CDKL5: variants seen among roughly 807,000 people sequenced by gnomAD.
CDKL5 encodes the protein cyclin-dependent kinase-like 5.
CDKL5 carries 8 observed loss-of-function variants against 61.7 expected under a neutral mutation model. The observed-to-expected ratio is 0.13, with a 90% confidence interval of 0.08 to 0.23. The LOEUF is 0.23. Among genes scored for constraint, CDKL5 ranks in the 10% least tolerant of loss-of-function variants. CDKL5 has a pLI of 1.00. For synonymous variants in CDKL5, 275 were observed against 272.3 expected, an observed-to-expected ratio of 1.01 and a Z score of -0.10; for missense variants, 440 against 734.5, an observed-to-expected ratio of 0.60 and a Z score of 4.63.
At chrX:18,438,206 C>T (rs1017372470) in intron 1 of CDKL5, among the ~76,000 whole-genome samples, 1 of 110,710 alleles carries the variant, frequency 9.0e-6, no homozygotes, top group African/African-American at 3.3e-5. Context: ...GCTGGGATTA[C>T]AGGCATGTGC....
At chrX:18,481,501 G>A (rs1336889498) in intron 1 of CDKL5, among the ~76,000 whole-genome samples, 1 of 105,383 alleles carries the variant, frequency 9.5e-6, no homozygotes, top group Admixed American at 1.0e-4. Flanking sequence ...TACAGGTGCG[G>A]GCCACCACAC....
At chrX:18,562,602 G>T (rs1010012348) in intron 3 of CDKL5, among the ~76,000 whole-genome samples, 2 of 111,801 alleles carry the variant, frequency 1.8e-5, no homozygotes, top group African/African-American at 6.5e-5. Flanking sequence ...TCTGTAATGA[G>T]TTTATATTAT....
At chrX:18,561,171 T>C (rs1325916197) in intron 3 of CDKL5, among the ~76,000 whole-genome samples, 1 of 111,749 alleles carries the variant, frequency 8.9e-6, no homozygotes, top group East Asian at 2.8e-4. Context: ...AATGGCATTT[T>C]CCAGGGCTTT....
At chrX:18,640,707 C>G (rs1233997041), downstream of CDKL5, 1 of 112,215 alleles carries the variant, frequency 8.9e-6, no homozygotes, top group Non-Finnish European at 1.9e-5. Context: ...AAAAGTAACT[C>G]GGAAATGAGC....
At chrX:18,526,778 C>G (rs1355535069) in intron 3 of CDKL5, among the ~76,000 whole-genome samples, 2 of 109,918 alleles carry the variant, frequency 1.8e-5, no homozygotes, top group Non-Finnish European at 3.8e-5. Flanking sequence ...GCTGAAGCAG[C>G]CTTTCTTTCT....
chrX:18,569,866 T>A (rs935058991), intron 4 of CDKL5, among the ~76,000 whole-genome samples: 4 of 111,026 alleles, frequency 3.6e-5, no homozygotes, highest in Non-Finnish European at 7.5e-5. Context: ...TATACACTAG[T>A]CTACATTTAA....
At chrX:18,648,276 C>A (rs1260915609) in intron 20 of CDKL5, among the ~76,000 whole-genome samples, 1 of 110,237 alleles carries the variant, frequency 9.1e-6, no homozygotes, top group East Asian at 2.9e-4. Flanking sequence ...CAGGGTCTCG[C>A]CCTGTCCTAG....
intron 1 of CDKL5, among the ~76,000 whole-genome samples, chrX:18,429,346 C>CT (rs1458038712): frequency 3.6e-5 from 4 of 111,333 alleles, no homozygotes; most frequent in Non-Finnish European, 7.5e-5. Context: ...CTCTTTTGGG[C>CT]AGTCTTCTCT....
intron 15 of CDKL5, among the ~76,000 whole-genome samples, chrX:18,614,539 A>G (rs1926659494): frequency 8.9e-6 from 1 of 112,040 alleles, no homozygotes; most frequent in African/African-American, 3.2e-5. Flanking sequence ...AAATGAGGCA[A>G]TGCATTAAAA....
At chrX:18,653,426 T>G (rs1291137324) in intron 21 of CDKL5, 1 of 1,208,696 alleles carries the variant, frequency 8.3e-7, no homozygotes, top group East Asian at 3.0e-5. Context: ...CTTCTGTGCT[T>G]TCCAGGGTTC....
At chrX:18,651,896 C>T (rs1928064682) in intron 21 of CDKL5, among the ~76,000 whole-genome samples, 1 of 110,801 alleles carries the variant, frequency 9.0e-6, no homozygotes, top group Admixed American at 9.6e-5. Flanking sequence ...CTTTTCAGGT[C>T]CACATGTGGC....
Position 18,609,445 on chromosome X carries a change from A to G in CDKL5, c.2047-20A>G. 8.3e-7 allele frequency: 1 copy of G among 1,211,581 alleles called. No individual in the cohort carries two copies. On this transcript the variant is annotated intron_variant, in intron 13 of 17. Coordinates refer to ENST00000623535, the MANE Select transcript of CDKL5 (RefSeq NM_001323289.2). ...CATCAATGTGTGGCTTAACTTTTAT[A>G]AATTTCTTTCCTGCCTCAGGGTGGA...
intron 1 of CDKL5, among the ~76,000 whole-genome samples, chrX:18,437,674 A>G (rs1404518037): frequency 1.8e-5 from 2 of 112,519 alleles, no homozygotes; most frequent in Non-Finnish European, 1.9e-5. Flanking sequence ...TCTGGTTCAC[A>G]TTCTGTGGCC....
At position 18,636,343 on chromosome X, in the gene CDKL5, T is replaced by G. The variant is rs1030803158; in HGVS notation, c.*7586T>G. ...AATGCCCAAGTGTTTTGCTTTATTA[T>G]TATTATTATTATTATTATTATTATT... On this transcript the variant is annotated 3_prime_UTR_variant, in exon 18 of 18. Coordinates refer to ENST00000623535, the MANE Select transcript of CDKL5 (RefSeq NM_001323289.2). The G allele has an allele frequency of 1.1e-4, 4 of 36,461 alleles. No homozygotes were observed. The highest frequency in any genetic ancestry group is 2.7e-4 in the Admixed American group (1 of 3,707). The allele number at this position is 36,461 out of a possible 1,213,427, so 3.0% of individuals were successfully genotyped here. A position where few individuals can be genotyped will look rare whatever the true frequency, so the allele number is the denominator to read the frequency against.
intron 20 of CDKL5, among the ~76,000 whole-genome samples, chrX:18,646,342 T>A (rs756349377): frequency 9.0e-6 from 1 of 111,432 alleles, no homozygotes; most frequent in African/African-American, 3.3e-5. Context: ...TTAGTAGAGA[T>A]GAGGTTTCAC....
intron 1 of CDKL5, among the ~76,000 whole-genome samples, chrX:18,430,213 A>G (rs958822757): frequency 2.7e-5 from 3 of 112,462 alleles, no homozygotes; most frequent in Admixed American, 1.9e-4. Context: ...GTTTCTAATT[A>G]GCTACTTGGT....
chrX:18,472,708 C>T (rs753914119), intron 1 of CDKL5, among the ~76,000 whole-genome samples: 2 of 110,221 alleles, frequency 1.8e-5, no homozygotes, highest in African/African-American at 3.3e-5. Context: ...TGCGACACAT[C>T]GTTTGTGTTC....
chrX:18,594,324 C>T (rs748128012), intron 9 of CDKL5, among the ~76,000 whole-genome samples: 2 of 111,842 alleles, frequency 1.8e-5, no homozygotes, highest in South Asian at 3.7e-4. Flanking sequence ...TGTGAGTTGG[C>T]AGAGGAAAGA....
At chrX:18,460,911 A>T (rs1421317373) in intron 1 of CDKL5, among the ~76,000 whole-genome samples, 1 of 112,083 alleles carries the variant, frequency 8.9e-6, no homozygotes, top group African/African-American at 3.2e-5. Flanking sequence ...CCCAAATTTG[A>T]TATTCACAGT....
Sources: allele counts gnomAD v4.1 joint callset (sites outside exome capture counted in the v4.1 genomes callset), GRCh38; gene constraint gnomAD v4.1.1; transcripts MANE v1.5; gene names NCBI Gene and HGNC (gene_info 2026-07-23, HGNC 2026-07-21).